The following EIF2AK3 variants were observed in gnomAD, a reference collection of about 807,000 sequenced individuals.
EIF2AK3 encodes eukaryotic translation initiation factor 2-alpha kinase 3.
In EIF2AK3, 50 loss-of-function variants were observed where a neutral mutation model predicts 113.5. The ratio of observed to expected loss-of-function variants is 0.44; its 90% confidence interval spans 0.35 to 0.56. The LOEUF (loss-of-function observed/expected upper bound fraction) is 0.56. Among genes scored for constraint, EIF2AK3 ranks in the 20% least tolerant of loss-of-function variants. EIF2AK3 has a pLI of 0.00. For missense variants in EIF2AK3, 1,185 were observed against 1,378.0 expected (o/e 0.86, Z 2.22); for synonymous variants, 448 against 495.4 (o/e 0.90, Z 1.27).
intron 1 of EIF2AK3, among the ~76,000 whole-genome samples, chr2:88,623,664 T>C (rs1481730719): frequency 6.6e-6 from 1 of 152,246 alleles, no homozygotes; most frequent in Non-Finnish European, 1.5e-5. Context: ...CGGTCTATTA[T>C]TACTGAACTA....
rs1673797617 is a variant in EIF2AK3, at chr2:88,557,064, C to T, written c.*672G>A. ...CATTTCTTACTACGGCTTTTTTCCT[C>T]CCAAAACTAGACCTTTCAACCAATT... On this transcript the variant is annotated 3_prime_UTR_variant, in exon 17 of 17. Coordinates refer to ENST00000303236, the MANE Select transcript of EIF2AK3 (RefSeq NM_004836.7). 1 of 152,516 alleles carries T rather than the reference C, an allele frequency of 6.6e-6. No individual in the cohort carries two copies. The highest frequency in any genetic ancestry group is 6.6e-5 in the Admixed American group (1 of 15,256). The allele number at this position is 152,516 out of a possible 1,614,324, so 9.4% of individuals were successfully genotyped here.
At chr2:88,596,447 A>G (rs992019197) in intron 2 of EIF2AK3, among the ~76,000 whole-genome samples, 1 of 152,192 alleles carries the variant, frequency 6.6e-6, no homozygotes, top group South Asian at 2.1e-4. Context: ...AGTAAATTAT[A>G]TGGTATGTTA....
chr2:88,619,074 C>T (rs897609479), intron 1 of EIF2AK3, among the ~76,000 whole-genome samples: 3 of 151,662 alleles, frequency 2.0e-5, no homozygotes. Flanking sequence ...ATGGCAACCT[C>T]CGCCTCCCAG....
intron 2 of EIF2AK3, among the ~76,000 whole-genome samples, chr2:88,608,907 T>TAC (rs1675362635): frequency 6.7e-6 from 1 of 149,964 alleles, no homozygotes; most frequent in Non-Finnish European, 1.5e-5. Flanking sequence ...TTGTATTTTG[T>TAC]ATTTTTTGTA....
At chr2:88,577,929 C>G (rs1674503880) in intron 11 of EIF2AK3, among the ~76,000 whole-genome samples, 1 of 152,194 alleles carries the variant, frequency 6.6e-6, no homozygotes, top group Non-Finnish European at 1.5e-5. Flanking sequence ...GCCACATCTG[C>G]TCTTCTTCAT....
chr2:88,616,809 C>T (rs1277275792), intron 1 of EIF2AK3, among the ~76,000 whole-genome samples: 3 of 152,194 alleles, frequency 2.0e-5, no homozygotes, highest in Admixed American at 6.5e-5. Flanking sequence ...ACCATGCACA[C>T]TGTAAGCATG....
At position 88,588,897 on chromosome 2, in the gene EIF2AK3, C is replaced by T; in HGVS notation, c.1170G>A (p.Met390Ile). ...ACTGCAGATACAGCTGGCCTCTATA[C>T]ATTCCTGAATCAACCAGAACATTGT... ...GATENSVYLG[M>I]YRGQLYLQSS... Residue 390 changes from methionine (M) to isoleucine (I), a missense_variant, in exon 7 of 17, where the codon ATG becomes ATA. Coordinates refer to ENST00000303236, the MANE Select transcript of EIF2AK3 (RefSeq NM_004836.7). 1.2e-6 allele frequency: 2 copies of T among 1,613,716 alleles called. No individual in the cohort carries two copies. The highest frequency in any genetic ancestry group is 1.3e-5 in the African/African-American group (1 of 75,050).
chr2:88,627,102 C>A lies in EIF2AK3; in HGVS notation c.173G>T (p.Arg58Leu). The change falls in exon 1 of 17, where the codon CGA (arginine) becomes CTA (leucine). Residue 58 changes from arginine to leucine, a missense_variant. Physicochemically the swap from Arg to Leu is moderately radical, Grantham distance 102. Coordinates refer to ENST00000303236, the MANE Select transcript of EIF2AK3 (RefSeq NM_004836.7). ...GAAAAPTSAT[R>L]VPAAGAVAAA... is the part of the protein sequence containing the mutation. ...AGCCACGGCGCCCGCCGCCGGTACTCGCGTCGCTGAGGTGGGAGCAGCGGC... is the reference window on the plus strand; with the variant it reads ...AGCCACGGCGCCCGCCGCCGGTACTAGCGTCGCTGAGGTGGGAGCAGCGGC... 6.5e-7 allele frequency: 1 copy of A among 1,541,340 alleles called. No homozygotes were observed. The highest frequency in any genetic ancestry group is 2.5e-5 in the East Asian group (1 of 40,542).
chr2:88,596,349 T>C (rs1675018475), intron 2 of EIF2AK3, among the ~76,000 whole-genome samples: 1 of 152,158 alleles, frequency 6.6e-6, no homozygotes, highest in Non-Finnish European at 1.5e-5. Flanking sequence ...ATTCTGATGG[T>C]TGGGATAGAT....
At chr2:88,601,052 CTACTATA>C (rs1342461080) in intron 2 of EIF2AK3, among the ~76,000 whole-genome samples, 2 of 152,178 alleles carry the variant, frequency 1.3e-5, no homozygotes, top group Non-Finnish European at 2.9e-5. Flanking sequence ...CTCCACTCAC[CTACTATA>C]TACTTGTTTA....
At position 88,593,286 on chromosome 2, in the gene EIF2AK3, G is replaced by A; in HGVS notation, c.753C>T (p.Arg251=). 1 of 1,614,028 alleles carries A rather than the reference G, an allele frequency of 6.2e-7. No individual in the cohort carries two copies. Among genetic ancestry groups the A allele is most frequent in the Non-Finnish European group, 8.5e-7 (1 of 1,179,970 alleles). ...TQKTVRAVGP[R]SGNEKWNFSV... is the part of the protein sequence containing the mutation. ...TGAATACACACTTCTCATTGCCACTGCGAGGTCCGACAGCTCTAACAGTTT... is the reference window on the plus strand; with the variant it reads ...TGAATACACACTTCTCATTGCCACTACGAGGTCCGACAGCTCTAACAGTTT... Residue 251 remains arginine (R), a synonymous_variant, in exon 4 of 17, where the codon CGC becomes CGT. Transcript: ENST00000303236.
intron 1 of EIF2AK3, among the ~76,000 whole-genome samples, chr2:88,614,124 T>C (rs1041493738): frequency 6.6e-6 from 1 of 152,194 alleles, no homozygotes; most frequent in African/African-American, 2.4e-5. Context: ...TGTCCCCTGG[T>C]ATGTCCTCTT....
At position 88,627,210 on chromosome 2, in the gene EIF2AK3, C is replaced by T; in HGVS notation, c.65G>A (p.Gly22Glu). 13 of 1,395,546 alleles carry T rather than the reference C, an allele frequency of 9.3e-6. No individual in the cohort carries two copies. Among genetic ancestry groups the T allele is most frequent in the Non-Finnish European group, 1.2e-5 (13 of 1,090,054 alleles). The allele number at this position is 1,395,546 out of a possible 1,614,324, so 86.4% of individuals were successfully genotyped here. A position where few individuals can be genotyped will look rare whatever the true frequency, so the allele number is the denominator to read the frequency against. ...CGCGGCCACCGTCCTTGCCGCGAGC[C>T]CCAGCAGCAGCAGCAGCAGCAGCAG... ...RALLLLLLLL[G>E]LAARTVAAGR... Residue 22 changes from glycine to glutamate, a missense_variant, in exon 1 of 17, where the codon GGG becomes GAG. Around this residue, in one of 3 missense-constraint regions of EIF2AK3, gnomAD observed 189 missense variants for 175.2 expected, o/e 1.08. Transcript: ENST00000303236.
chr2:88,591,726 G>T (rs1231112859), intron 4 of EIF2AK3, among the ~76,000 whole-genome samples: 1 of 152,110 alleles, frequency 6.6e-6, no homozygotes, highest in Non-Finnish European at 1.5e-5. Context: ...TTTTCACTTA[G>T]ATATAAAATG....
Position 88,619,630 on chromosome 2 carries a change from T to C in EIF2AK3, c.309-5777A>G, listed in dbSNP as rs138578774. On this transcript the variant is annotated intron_variant, in intron 1 of 16. Coordinates refer to ENST00000303236, the MANE Select transcript of EIF2AK3 (RefSeq NM_004836.7). ...CCTCTACATTTAAACAACAGCCATG[T>C]ACTCTTAATTCTATTTCTGAAGCTT... Among the ~76,000 whole-genome samples the C allele has an allele frequency of 1.1e-3, 175 of 152,292 alleles. 1 individual carries two copies. The highest frequency in any genetic ancestry group is 4.0e-3 in the African/African-American group (165 of 41,582).
At position 88,595,136 on chromosome 2, in the gene EIF2AK3, G is replaced by A. The variant is rs116134926; in HGVS notation, c.633+333C>T. Among the ~76,000 whole-genome samples, 1,186 of 145,360 alleles carry A rather than the reference G, an allele frequency of 8.2e-3. 13 individuals carry two copies. The highest frequency in any genetic ancestry group is 0.029 in the African/African-American group (1,127 of 39,230). On this transcript the variant is annotated intron_variant, in intron 3 of 16. Coordinates refer to ENST00000303236, the MANE Select transcript of EIF2AK3 (RefSeq NM_004836.7). The stretch of plus-strand genomic sequence containing the variant: ...TGAACCCACTTGAACCTGAGGGGGT[G>A]TGGAATGGGGTGGGGGTGGGGATTG...
chr2:88,589,276 C>T (rs1674821640), intron 6 of EIF2AK3, among the ~76,000 whole-genome samples: 1 of 152,130 alleles, frequency 6.6e-6, no homozygotes, highest in Admixed American at 6.5e-5. Context: ...GCTAACAATT[C>T]AGTTAAATAC....
At chr2:88,588,169 T>C (rs1573403704) in intron 7 of EIF2AK3, 65 bp from the exon 8 acceptor site, 1 of 1,122,020 alleles carries the variant, frequency 8.9e-7, no homozygotes, top group East Asian at 2.8e-5. Context: ...ATGACTTGAA[T>C]AAAAATGCAC....
intron 2 of EIF2AK3, among the ~76,000 whole-genome samples, 196 bp downstream of exon 2, chr2:88,613,525 TAAG>T (rs1204416367): frequency 2.0e-5 from 3 of 152,286 alleles, no homozygotes; most frequent in Admixed American, 6.5e-5. Context: ...CAAGTAATCC[TAAG>T]AAGATGTTAT....
Sources: gnomAD v4.1 joint callset for allele counts (sites outside exome capture counted in the v4.1 genomes callset) on GRCh38, gnomAD v4.1.1 for gene constraint, gnomAD v4.1.1 regional missense constraint, MANE v1.5 for transcripts, NCBI Gene and HGNC (gene_info 2026-07-23, HGNC 2026-07-21) for gene names.